The following RAB28 variants were observed in gnomAD, a reference collection of about 807,000 sequenced individuals.
RAB28 encodes the protein RAB28, member RAS oncogene family.
A neutral mutation model predicts 31.7 loss-of-function variants in RAB28; 24 were observed. That is an observed-to-expected ratio of 0.76 (90% CI 0.55 to 1.06). The LOEUF is 1.06. Among genes scored for constraint, RAB28 ranks in the 50% least tolerant of loss-of-function variants. The pLI is 0.00. For missense variants in RAB28, 254 were observed against 258.5 expected, an observed-to-expected ratio of 0.98 and a Z score of 0.12; for synonymous variants, 100 against 90.4, an observed-to-expected ratio of 1.11 and a Z score of -0.60.
intron 4 of RAB28, chr4:13,459,854 G>A: frequency 7.8e-7 from 1 of 1,288,334 alleles, no homozygotes; most frequent in Non-Finnish European, 1.0e-6. Flanking sequence ...GGACAGAGCT[G>A]AAACTGCAAT....
chr4:13,417,874 G>A (rs1210128211), intron 4 of RAB28, among the ~76,000 whole-genome samples: 1 of 152,162 alleles, frequency 6.6e-6, no homozygotes, highest in Non-Finnish European at 1.5e-5. Flanking sequence ...CGCCAGCAAC[G>A]GAACAAAGCT....
At chr4:13,471,559 T>A (rs1716122746) in intron 3 of RAB28, among the ~76,000 whole-genome samples, 1 of 151,954 alleles carries the variant, frequency 6.6e-6, no homozygotes, top group Admixed American at 6.6e-5. Context: ...TGGAGTAAAG[T>A]GGCATGATCA....
chr4:13,413,082 A>G lies in RAB28; in HGVS notation c.392-31488T>C, dbSNP rs568149070. ...ATATGCAGATAACTGGTGTCCCCGA[A>G]AAAATAACAGAACAGAAAAAAATAA... On this transcript the variant is annotated intron_variant, in intron 4 of 6. Coordinates refer to ENST00000330852, the MANE Select transcript of RAB28 (RefSeq NM_001017979.3). Among the ~76,000 whole-genome samples, 5 of 152,330 alleles carry G rather than the reference A, an allele frequency of 3.3e-5. No individual in the cohort carries two copies. The South Asian group carries it at 1.0e-3, about 32-fold the overall frequency.
intron 4 of RAB28, among the ~76,000 whole-genome samples, chr4:13,423,546 T>A (rs1376082906): frequency 2.6e-5 from 4 of 151,886 alleles, no homozygotes; most frequent in Admixed American, 6.6e-5. Context: ...AATATAAAAT[T>A]CAAATGTCAG....
chr4:13,371,784 A>G (rs1275907060), intron 6 of RAB28: 1 of 1,547,172 alleles, frequency 6.5e-7, no homozygotes, highest in East Asian at 2.4e-5. Flanking sequence ...TGTTACCTAT[A>G]AAATACCAAC....
rs1713918823 is a variant in RAB28, at chr4:13,433,324, T to A, written c.391+27375A>T. Among the ~76,000 whole-genome samples the A allele has an allele frequency of 2.0e-5, 3 of 151,590 alleles. No individual in the cohort carries two copies. In the South Asian group the frequency reaches 6.2e-4, roughly 31 times the overall value. ...CTGGACAAGTGAGATCTAATTAAAC[T>A]AACAAGCTTTTGTACAGCAAAACTA... is the stretch of plus-strand genomic sequence containing the variant. On this transcript the variant is annotated intron_variant, in intron 4 of 6. Coordinates refer to ENST00000330852, the MANE Select transcript of RAB28 (RefSeq NM_001017979.3).
chr4:13,463,663 A>G (rs867282444), intron 3 of RAB28, among the ~76,000 whole-genome samples: 108 of 151,960 alleles, frequency 7.1e-4, no homozygotes, highest in African/African-American at 2.5e-3. Context: ...TCACAAAAAA[A>G]TATAGAAGGA....
intron 4 of RAB28, among the ~76,000 whole-genome samples, chr4:13,419,175 G>A (rs1712969954): frequency 6.6e-6 from 1 of 151,812 alleles, no homozygotes; most frequent in Non-Finnish European, 1.5e-5. Flanking sequence ...AATGGTAAAG[G>A]GATCAATTCA....
intron 4 of RAB28, among the ~76,000 whole-genome samples, chr4:13,408,495 C>A (rs1053128022): frequency 6.6e-6 from 1 of 152,000 alleles, no homozygotes; most frequent in Admixed American, 6.6e-5. Flanking sequence ...GTGTCTCTGC[C>A]AGGTTTTGGT....
intron 3 of RAB28, among the ~76,000 whole-genome samples, chr4:13,472,412 T>C (rs912873247): frequency 6.6e-6 from 1 of 151,310 alleles, no homozygotes; most frequent in Non-Finnish European, 1.5e-5. Context: ...TTAAATAAAT[T>C]AGATAATAAA....
intron 2 of RAB28, 52 bp downstream of exon 2, chr4:13,479,375 CTTA>C: frequency 7.5e-7 from 1 of 1,328,190 alleles, no homozygotes; most frequent in Non-Finnish European, 1.1e-6. Flanking sequence ...TCTTATGCCA[CTTA>C]TTGTTAAGAT....
chr4:13,395,806 T>C, intron 4 of RAB28, among the ~76,000 whole-genome samples: 1 of 152,094 alleles, frequency 6.6e-6, no homozygotes, highest in East Asian at 1.9e-4. Flanking sequence ...TTCAAAATTC[T>C]GAAGCACTTT....
rs1452819926 is a variant in RAB28, at chr4:13,388,396, A to G, written c.392-6802T>C. Among the ~76,000 whole-genome samples, 3 of 152,046 alleles carry G rather than the reference A, an allele frequency of 2.0e-5. No individual in the cohort carries two copies. In the East Asian group the frequency reaches 5.8e-4, roughly 29 times the overall value. ...AAATCAATTAAAGACCTTAACATAAAAACCAAAAACTGTAAAACTCCTGGA... is the reference window on the plus strand; with the variant it reads ...AAATCAATTAAAGACCTTAACATAAGAACCAAAAACTGTAAAACTCCTGGA... On this transcript the variant is annotated intron_variant, in intron 4 of 6. Coordinates refer to ENST00000330852, the MANE Select transcript of RAB28 (RefSeq NM_001017979.3).
At chr4:13,426,331 G>A (rs1198381403) in intron 4 of RAB28, among the ~76,000 whole-genome samples, 1 of 152,016 alleles carries the variant, frequency 6.6e-6, no homozygotes, top group Non-Finnish European at 1.5e-5. Flanking sequence ...ATACTAATGA[G>A]GATGCAACAT....
chr4:13,430,550 C>T (rs1010734888), intron 4 of RAB28, among the ~76,000 whole-genome samples: 3 of 152,106 alleles, frequency 2.0e-5, no homozygotes, highest in Non-Finnish European at 4.4e-5. Context: ...GAGTACTTAC[C>T]GGGAATGGAG....
chr4:13,371,996 G>T (rs73229630), intron 6 of RAB28: 14,749 of 842,878 alleles, frequency 0.017, 174 homozygotes, highest in Middle Eastern at 0.048. Flanking sequence ...CAACCTATGG[G>T]TTGGGGCACA....
rs186505136 is a variant in RAB28 at position 13,461,107 on chromosome 4, G to T, written c.262-279C>A. 9.2e-5 allele frequency among the ~76,000 whole-genome samples: 14 copies of T among 152,242 alleles called. No individual in the cohort carries two copies. In the East Asian group the frequency reaches 2.5e-3, roughly 27 times the overall value. On this transcript the variant is annotated intron_variant, in intron 3 of 6. Coordinates refer to ENST00000330852, the MANE Select transcript of RAB28 (RefSeq NM_001017979.3). ...CAATAAGATATCTGGAATATGCTTG[G>T]TAAGTTACAGTAAATATAAGAAAAT...
At chr4:13,385,822 A>T (rs1729346404) in intron 4 of RAB28, among the ~76,000 whole-genome samples, 1 of 152,140 alleles carries the variant, frequency 6.6e-6, no homozygotes, top group East Asian at 1.9e-4. Context: ...CATGCGAAAG[A>T]ATAAAAACAG....
intron 4 of RAB28, among the ~76,000 whole-genome samples, chr4:13,400,917 C>A (rs1711710926): frequency 6.6e-6 from 1 of 152,148 alleles, no homozygotes; most frequent in African/African-American, 2.4e-5. Flanking sequence ...GGATAAACTC[C>A]ACTTGGTCAT....
Sources: gnomAD v4.1 joint callset for allele counts (sites outside exome capture counted in the v4.1 genomes callset) on GRCh38, gnomAD v4.1.1 for gene constraint, MANE v1.5 for transcripts, NCBI Gene and HGNC (gene_info 2026-07-23, HGNC 2026-07-21) for gene names.